The following SLC26A6 variants were observed in gnomAD, a reference collection of about 807,000 sequenced individuals.
SLC26A6 encodes the protein solute carrier family 26 member 6.
In SLC26A6, 67 loss-of-function variants were observed where a neutral mutation model predicts 87.1. That is an observed-to-expected ratio of 0.77 (90% CI 0.63 to 0.94). The LOEUF (loss-of-function observed/expected upper bound fraction) is 0.94, where lower values mean the gene tolerates loss of function less well. Among genes scored for constraint, SLC26A6 ranks in the 40% least tolerant of loss-of-function variants. The pLI is 0.00. For synonymous variants in SLC26A6, 414 were observed against 405.9 expected (o/e 1.02, Z -0.24); for missense variants, 902 against 973.0 (o/e 0.93, Z 0.97).
Position 48,633,617 on chromosome 3 carries a change from T to G in SLC26A6, c.42A>C (p.Ala14=). ...CCATTGCTTGTGTTGCAGACAGCAG[T>G]GCCTGTGTGTCCCTCGGTCTGGGGT... The part of the protein sequence containing the change: ...ADASGPRDTQ[A]LLSATQAMDL... The change falls in exon 2 of 21, where the codon GCA becomes GCC. Residue 14 remains alanine, a synonymous_variant. Transcript: ENST00000395550. 1 of 1,613,528 alleles carries G rather than the reference T, an allele frequency of 6.2e-7. No homozygotes were observed. The highest frequency in any genetic ancestry group is 1.1e-5 in the South Asian group (1 of 91,088).
intron 11 of SLC26A6, 127 bp from the exon 12 acceptor site, chr3:48,630,284 C>A: frequency 2.3e-6 from 3 of 1,310,450 alleles, no homozygotes; most frequent in Non-Finnish European, 2.1e-6. Flanking sequence ...CCCCACCCAG[C>A]CCCTGACCCT....
rs371408582 is a variant in SLC26A6 at position 48,629,644 on chromosome 3, C to T, written c.1597G>A (p.Glu533Lys). Residue 533 changes from glutamate to lysine, a missense_variant and splice_region_variant, in exon 14 of 21, where the codon GAG becomes AAG. Glu to Lys is a moderately conservative substitution (Grantham distance 56). This residue lies in a region of SLC26A6 where 800 missense variants were observed against 856.8 expected (regional missense o/e 0.93). Coordinates refer to ENST00000395550, the MANE Select transcript of SLC26A6 (RefSeq NM_022911.3). The part of the protein sequence containing the change: ...DIYRDVAEYS[E>K]AKEVRGVKVF... ...CTCACTCAGCCCCTGACACTCACCTCTGAGTACTCTGCCACATCTCTGTAA... is the reference window on the plus strand; with the variant it reads ...CTCACTCAGCCCCTGACACTCACCTTTGAGTACTCTGCCACATCTCTGTAA... 3 of 1,611,810 alleles carry T rather than the reference C, an allele frequency of 1.9e-6. No individual in the cohort carries two copies. The highest frequency in any genetic ancestry group is 2.5e-6 in the Non-Finnish European group (3 of 1,178,966).
chr3:48,633,967 A>C (rs1575532485), intron 1 of SLC26A6: 1 of 847,656 alleles, frequency 1.2e-6, no homozygotes, highest in African/African-American at 1.8e-5. Context: ...TCCCTCCCCC[A>C]CCCAGTCCCT....
In SLC26A6 at chr3:48,631,763, C is replaced by G. The variant is rs763190618; in HGVS notation, c.789G>C (p.Lys263Asn). Residue 263 changes from lysine (K) to asparagine (N), a missense_variant, in exon 7 of 21, where the codon AAG becomes AAC. Physicochemically the swap from Lys to Asn is moderately conservative, Grantham distance 94. This residue lies in a region of SLC26A6 where 800 missense variants were observed against 856.8 expected (regional missense o/e 0.93). Transcript: ENST00000395550. Reference protein sequence around the residue: ...LEVCWKLPQSKVGTVVTAAVA... With the variant: ...LEVCWKLPQSNVGTVVTAAVA... ...CAGCTGCAGTGACCACGGTGCCAAC[C>G]TTGCTCTGGGGCAGCTTCCAGCAGA... The G allele has an allele frequency of 3.7e-6, 6 of 1,613,494 alleles. No individual in the cohort carries two copies. Among genetic ancestry groups the G allele is most frequent in the Non-Finnish European group, 4.2e-6 (5 of 1,180,034 alleles).
In SLC26A6 at chr3:48,628,462, A is replaced by G. The variant is rs1408880599; in HGVS notation, c.1772T>C (p.Leu591Pro). The G allele has an allele frequency of 5.0e-6, 8 of 1,614,116 alleles. No individual in the cohort carries two copies. The highest frequency in any genetic ancestry group is 6.8e-6 in the Non-Finnish European group (8 of 1,179,982). The part of the protein sequence containing the change: ...KKQEQLKLKQ[L>P]QKEEKLRKQA... ...TTTCCGAAGCTTCTCCTCTTTCTGC[A>G]GTTGCTTCAGCTTCAGCTGCTCCTG... The change falls in exon 16 of 21, where the codon CTG (leucine) becomes CCG (proline). Residue 591 changes from leucine to proline, a missense_variant. This residue lies in a region of SLC26A6 where 800 missense variants were observed against 856.8 expected (regional missense o/e 0.93). Transcript: ENST00000395550. This position sits in a 1 kb window ranked among gnomAD's most constrained non-coding sequence, Gnocchi z 4.4.
rs531916582 is a variant in SLC26A6 at position 48,631,854 on chromosome 3, C to T, written c.750+26G>A. 1.9e-6 allele frequency: 3 copies of T among 1,613,166 alleles called. No homozygotes were observed. In the African/African-American group the frequency reaches 4.0e-5, roughly 22 times the overall value. ...ACTCAAGGCCATGGGGCACACCTAC[C>T]CCTCCCTCCCCCTACCCTCACTCAC... On this transcript the variant is annotated intron_variant, in intron 6 of 20. Coordinates refer to ENST00000395550, the MANE Select transcript of SLC26A6 (RefSeq NM_022911.3).
intron 17 of SLC26A6, chr3:48,627,318 C>A: frequency 2.1e-6 from 1 of 474,860 alleles, no homozygotes; most frequent in Non-Finnish European, 3.8e-6. Context: ...AAGGGAGTCC[C>A]TGTCCCATTC....
At chr3:48,634,854 G>T in intron 1 of SLC26A6, 1 of 663,058 alleles carries the variant, frequency 1.5e-6, no homozygotes, top group Non-Finnish European at 1.9e-6. Context: ...CCTTTCCTAC[G>T]TGAGTCACTC....
rs1251656176 is a variant in SLC26A6 at position 48,628,436 on chromosome 3, G to T, written c.1798C>A (p.Gln600Lys). The change falls in exon 16 of 21, where the codon CAG (glutamine) becomes AAG (lysine). Residue 600 changes from glutamine (Q) to lysine (K), a missense_variant and splice_region_variant. Gln to Lys is a moderately conservative substitution (Grantham distance 53, BLOSUM62 1). Transcript: ENST00000395550. This position sits in a 1 kb window ranked among gnomAD's most constrained non-coding sequence, Gnocchi z 4.4. Reference sequence around the variant, plus strand: ...TCACCAGACAAAAGGGGCCCTGCCTGTTTCCGAAGCTTCTCCTCTTTCTGC... The same window carrying T: ...TCACCAGACAAAAGGGGCCCTGCCTTTTTCCGAAGCTTCTCCTCTTTCTGC... ...QLQKEEKLRK[Q>K]AASPKGASVS... 6.2e-7 allele frequency: 1 copy of T among 1,613,964 alleles called. No individual in the cohort carries two copies. The highest frequency in any genetic ancestry group is 8.5e-7 in the Non-Finnish European group (1 of 1,179,988).
intron 1 of SLC26A6, 98 bp from the exon 2 acceptor site, chr3:48,633,733 C>G: frequency 1.9e-6 from 3 of 1,540,658 alleles, no homozygotes; most frequent in Non-Finnish European, 2.6e-6. Context: ...CCTGATTTTT[C>G]CAGGCCCTAA....
chr3:48,629,186 C>T (rs1008130257), intron 14 of SLC26A6, among the ~76,000 whole-genome samples: 2 of 152,140 alleles, frequency 1.3e-5, no homozygotes, highest in African/African-American at 2.4e-5. Context: ...CCTAATTGCA[C>T]TGTGCCCATG....
At chr3:48,629,147 C>T (rs1249659728) in intron 14 of SLC26A6, among the ~76,000 whole-genome samples, 1 of 152,188 alleles carries the variant, frequency 6.6e-6, no homozygotes, top group East Asian at 1.9e-4. Context: ...TCTCCCATGT[C>T]TCAGACCCCT....
Position 48,630,981 on chromosome 3 carries a change from C to T in SLC26A6, c.1134+12G>A, listed in dbSNP as rs1306071335. The T allele has an allele frequency of 4.3e-6, 7 of 1,613,394 alleles. No individual in the cohort carries two copies. The highest frequency in any genetic ancestry group is 1.7e-5 in the Admixed American group (1 of 59,990). On this transcript the variant is annotated intron_variant, in intron 9 of 20. Transcript: ENST00000395550. ...ACTTGGATGCCTCCTACACATCCCGCATCACCCAGACCTGGTTGCTGTCCA... is the reference window on the plus strand; with the variant it reads ...ACTTGGATGCCTCCTACACATCCCGTATCACCCAGACCTGGTTGCTGTCCA...
intron 1 of SLC26A6, chr3:48,634,843 T>C (rs2046909409): frequency 1.3e-6 from 1 of 769,624 alleles, no homozygotes; most frequent in Non-Finnish European, 1.6e-6. Context: ...GAGCCCCCTC[T>C]CCTTTCCTAC....
At chr3:48,631,358 G>A (rs934124588) in intron 7 of SLC26A6, 52 bp from the exon 8 acceptor site, 2 of 1,494,188 alleles carry the variant, frequency 1.3e-6, no homozygotes, top group South Asian at 1.4e-5. Flanking sequence ...ATGGTCAGGG[G>A]GACACATAAA....
rs1467716262 is a variant in SLC26A6 at position 48,633,575 on chromosome 3, G to T, written c.84C>A (p.Asp28Glu). The change falls in exon 2 of 21, where the codon GAC becomes GAA. Residue 28 changes from aspartate (D) to glutamate (E), a missense_variant. By Grantham distance (45) the Asp-to-Glu change is conservative (BLOSUM62 2). Transcript: ENST00000395550. ...TCAGCAGCGGCCGTTCCATGTGGTA[G>T]TCTCGCCTCCGCAGGTCCATTGCTT... ...ATQAMDLRRRDYHMERPLLNQ... is the reference protein window; with the variant it reads ...ATQAMDLRRREYHMERPLLNQ... 2 of 1,613,460 alleles carry T rather than the reference G, an allele frequency of 1.2e-6. No individual in the cohort carries two copies. The highest frequency in any genetic ancestry group is 2.7e-5 in the African/African-American group (2 of 74,932).
At chr3:48,634,833 G>C (rs2046908890) in intron 1 of SLC26A6, 1 of 824,556 alleles carries the variant, frequency 1.2e-6, no homozygotes. Context: ...GGAGATCGTA[G>C]AGCCCCCTCT....
intron 6 of SLC26A6, 24 bp downstream of exon 6, chr3:48,631,856 C>A: frequency 6.2e-7 from 1 of 1,613,274 alleles, no homozygotes; most frequent in Non-Finnish European, 8.5e-7. Flanking sequence ...ACACCTACCC[C>A]TCCCTCCCCC....
chr3:48,627,214 A>G, intron 17 of SLC26A6, 159 bp from the exon 18 acceptor site: 1 of 845,412 alleles, frequency 1.2e-6, no homozygotes, highest in African/African-American at 1.7e-5. Flanking sequence ...CAAAGACAGG[A>G]ATGACAGATG....
Sources: allele counts gnomAD v4.1 joint callset (sites outside exome capture counted in the v4.1 genomes callset), GRCh38; gene constraint gnomAD v4.1.1; regional missense constraint gnomAD v4.1.1; non-coding constraint Gnocchi (gnomAD v3.1); transcripts MANE v1.5; gene names NCBI Gene and HGNC (gene_info 2026-07-23, HGNC 2026-07-21).